Variants in NOS1 observed in about 807,000 individuals in gnomAD.
The protein encoded by NOS1 is NOS type I.
In NOS1, 51 loss-of-function variants were observed where a neutral mutation model predicts 164.5. The ratio of observed to expected loss-of-function variants is 0.31; its 90% CI spans 0.25 to 0.39. The LOEUF (loss-of-function observed/expected upper bound fraction) is 0.39. Among genes scored for constraint, NOS1 ranks in the 10% least tolerant of loss-of-function variants. The pLI is 1.00. For synonymous variants in NOS1, 719 were observed against 745.8 expected (o/e 0.96, Z 0.59); for missense variants, 1,362 against 1,885.6 (o/e 0.72, Z 5.14).
Position 117,331,027 on chromosome 12 carries a change from C to T in NOS1, c.43G>A (p.Val15Ile), listed in dbSNP as rs1168666404. 5 of 1,613,844 alleles carry T rather than the reference C, an allele frequency of 3.1e-6. No individual in the cohort carries two copies. In the African/African-American group the frequency reaches 6.7e-5, roughly 22 times the overall value. Reference protein sequence around the residue: ...MFGVQQIQPNVISVRLFKRKV... With the variant: ...MFGVQQIQPNIISVRLFKRKV... ...CGCTTGAAGAGACGAACAGAAATGA[C>T]ATTGGGCTGGATTTGCTGAACACCG... Residue 15 changes from valine to isoleucine, a missense_variant, in exon 2 of 29, where the codon GTC becomes ATC. Val to Ile is a conservative substitution (Grantham distance 29). This residue lies in a region of NOS1 where 362 missense variants were observed against 402.0 expected (regional missense o/e 0.90). Transcript: ENST00000317775.
Position 117,280,855 on chromosome 12 carries a change from G to A in NOS1, c.1394C>T (p.Thr465Ile). The change falls in exon 8 of 29, where the codon ACC becomes ATC. Residue 465 changes from threonine (T) to isoleucine (I), a missense_variant. Physicochemically the swap from Thr to Ile is moderately conservative, Grantham distance 89. This residue lies in a region of NOS1 where 134 missense variants were observed against 267.3 expected (regional missense o/e 0.50). Coordinates refer to ENST00000317775, the MANE Select transcript of NOS1 (RefSeq NM_000620.5). ...GCCGTCTGTCCTCTGGGGGAATATG[G>A]TGATGGCAGACCTGTGGTGGAGAGA... ...TNKGNLRSAITIFPQRTDGKH... is the reference protein window; with the variant it reads ...TNKGNLRSAIIIFPQRTDGKH... The A allele has an allele frequency of 6.2e-7, 1 of 1,614,092 alleles. No individual in the cohort carries two copies. Among genetic ancestry groups the A allele is most frequent in the Non-Finnish European group, 8.5e-7 (1 of 1,179,992 alleles).
intron 7 of NOS1, among the ~76,000 whole-genome samples, chr12:117,284,313 G>A (rs1409926073): frequency 6.6e-6 from 1 of 152,138 alleles, no homozygotes; most frequent in Non-Finnish European, 1.5e-5. Flanking sequence ...CTGTCTGTGG[G>A]GCCCCAGCTG....
chr12:117,248,515 A>G (rs2135962039), intron 17 of NOS1, among the ~76,000 whole-genome samples: 1 of 151,730 alleles, frequency 6.6e-6, no homozygotes, highest in Non-Finnish European at 1.5e-5. Flanking sequence ...GTCCCTACAA[A>G]GGACATGAAC....
chr12:117,352,255 T>C (rs1164313812), intron 1 of NOS1, among the ~76,000 whole-genome samples: 2 of 152,160 alleles, frequency 1.3e-5, no homozygotes, highest in African/African-American at 2.4e-5. Context: ...GTCATGGCAC[T>C]GAACACTCTG....
Position 117,269,535 on chromosome 12 carries a change from C to T in NOS1, c.1840-1391G>A, listed in dbSNP as rs143404979. On this transcript the variant is annotated intron_variant, in intron 10 of 28. Coordinates refer to ENST00000317775, the MANE Select transcript of NOS1 (RefSeq NM_000620.5). ...AGGCTGGAGTGCAGTGTCGTGATCTCGGCTCACTGCAACCTCCGCTTCCTG... is the reference window on the plus strand; with the variant it reads ...AGGCTGGAGTGCAGTGTCGTGATCTTGGCTCACTGCAACCTCCGCTTCCTG... Among the ~76,000 whole-genome samples, 263 of 139,152 alleles carry T rather than the reference C, an allele frequency of 1.9e-3. 1 individual carries two copies. Among genetic ancestry groups the T allele is most frequent in the African/African-American group, 6.7e-3 (248 of 36,986 alleles). The allele number at this position is 139,152 out of a possible 152,430, so 91.3% of individuals were successfully genotyped here. A position where few individuals can be genotyped will look rare whatever the true frequency, so the allele number is the denominator to read the frequency against.
chr12:117,211,580 C>T lies in NOS1; in HGVS notation c.*3729G>A, dbSNP rs2135909618. On this transcript the variant is annotated 3_prime_UTR_variant, in exon 29 of 29. Coordinates refer to ENST00000317775, the MANE Select transcript of NOS1 (RefSeq NM_000620.5). ...TCCCCACGGTCTGGTCCCAGCCCAC[C>T]TTTTCTCACCCTCCTCAGCCTTCCA... 2.0e-6 allele frequency: 2 copies of T among 985,602 alleles called. No individual in the cohort carries two copies. Among genetic ancestry groups the T allele is most frequent in the Non-Finnish European group, 2.4e-6 (2 of 830,042 alleles). The allele number at this position is 985,602 out of a possible 1,614,324, so 61.1% of individuals were successfully genotyped here.
At chr12:117,247,278 G>A in intron 18 of NOS1, 70 bp downstream of exon 18, 1 of 1,278,656 alleles carries the variant, frequency 7.8e-7, no homozygotes, top group Non-Finnish European at 1.1e-6. Flanking sequence ...TCTTCTTGAT[G>A]GTTTAGGTGC....
chr12:117,256,018 A>G, intron 16 of NOS1: 1 of 1,455,824 alleles, frequency 6.9e-7, no homozygotes, highest in Non-Finnish European at 9.1e-7. Context: ...CGGGGAAAGA[A>G]ACGCAAGGGT....
At chr12:117,355,314 C>T (rs144565083) in intron 1 of NOS1, among the ~76,000 whole-genome samples, 1 of 152,316 alleles carries the variant, frequency 6.6e-6, no homozygotes, top group Non-Finnish European at 1.5e-5. Context: ...CTGAATAGGG[C>T]CACCTTTCTC....
intron 1 of NOS1, among the ~76,000 whole-genome samples, chr12:117,340,541 T>G (rs2136083824): frequency 6.6e-6 from 1 of 152,246 alleles, no homozygotes; most frequent in Non-Finnish European, 1.5e-5. Context: ...ATTTATGTAT[T>G]TATTTTGAGA....
rs1376531590 is a variant in NOS1 at position 117,210,228 on chromosome 12, A to C, written c.*5081T>G. 2 of 913,104 alleles carry C rather than the reference A, an allele frequency of 2.2e-6. No individual in the cohort carries two copies. Among genetic ancestry groups the C allele is most frequent in the East Asian group, 1.2e-4 (1 of 8,250 alleles). 56.6% of individuals were successfully genotyped at this position (913,104 alleles called of 1,614,324 possible). A position where few individuals can be genotyped will look rare whatever the true frequency, so the allele number is the denominator to read the frequency against. ...ACTCCTGGCCCCAAGTGATCCTCCC[A>C]CCTCAGTCTCCCAAAGTGCTATTAC... is the stretch of plus-strand genomic sequence containing the variant. On this transcript the variant is annotated 3_prime_UTR_variant, in exon 29 of 29. Transcript: ENST00000317775.
chr12:117,334,481 C>T (rs1875708727), intron 1 of NOS1, among the ~76,000 whole-genome samples: 1 of 152,130 alleles, frequency 6.6e-6, no homozygotes, highest in Non-Finnish European at 1.5e-5. Context: ...ACTGCAACCT[C>T]CACCTCCTGG....
rs1956641386 is a variant in NOS1, at chr12:117,218,176, A to C, written c.4171-12T>G. 1.3e-6 allele frequency: 2 copies of C among 1,596,120 alleles called. No homozygotes were observed. Among genetic ancestry groups the C allele is most frequent in the Non-Finnish European group, 1.7e-6 (2 of 1,163,792 alleles). ...TATCGGTTGTCATCCTAGAAGACAG[A>C]AACAGCCAGAAAACAGCTCTCAAAT... On this transcript the variant is annotated splice_polypyrimidine_tract_variant and intron_variant, in intron 27 of 28. Transcript: ENST00000317775.
chr12:117,330,257 T>C lies in NOS1; in HGVS notation c.725+88A>G. ...ACAGCCCAGGTTGGCTTCTGGGCTA[T>C]GAGGCTGAGTCTCAGTAGACGCACA... On this transcript the variant is annotated intron_variant, in intron 2 of 28. Coordinates refer to ENST00000317775, the MANE Select transcript of NOS1 (RefSeq NM_000620.5). The surrounding 1 kb of genome is among the most constrained non-coding windows in gnomAD (Gnocchi z 4.6). 2.0e-6 allele frequency: 3 copies of C among 1,484,870 alleles called. No homozygotes were observed. Among genetic ancestry groups the C allele is most frequent in the East Asian group, 2.3e-5 (1 of 43,430 alleles). 92.0% of individuals were successfully genotyped at this position (1,484,870 alleles called of 1,614,324 possible).
intron 7 of NOS1, among the ~76,000 whole-genome samples, chr12:117,281,247 C>T (rs570689447): frequency 5.9e-5 from 9 of 152,288 alleles, no homozygotes; most frequent in East Asian, 1.9e-4. Flanking sequence ...AGACGCCGGG[C>T]GCGGTGGCTC....
chr12:117,278,101 G>A lies in NOS1; in HGVS notation c.1525-3C>T. On this transcript the variant is annotated splice_polypyrimidine_tract_variant and splice_region_variant and intron_variant, in intron 8 of 28. Transcript: ENST00000317775. Reference sequence around the variant, plus strand: ...TTCCAGCCCTGCTGTATGCATATCTGCAAGCAGACCCGGCCAGGTAATGCC... The same window carrying A: ...TTCCAGCCCTGCTGTATGCATATCTACAAGCAGACCCGGCCAGGTAATGCC... 1.9e-6 allele frequency: 3 copies of A among 1,610,598 alleles called. No individual in the cohort carries two copies. Among genetic ancestry groups the A allele is most frequent in the Non-Finnish European group, 2.5e-6 (3 of 1,178,112 alleles).
chr12:117,319,871 C>G (rs1396135344), intron 2 of NOS1, among the ~76,000 whole-genome samples: 1 of 151,688 alleles, frequency 6.6e-6, no homozygotes, highest in African/African-American at 2.4e-5. Context: ...GCCACTGGCC[C>G]TCACAAGGAA....
In NOS1 at chr12:117,208,716, G is replaced by A; in HGVS notation, c.*6593C>T. On this transcript the variant is annotated 3_prime_UTR_variant, in exon 29 of 29. Transcript: ENST00000317775. ...GAAACAGACTGCCATCCTCTGTTCT[G>A]GCATGGGAGGGCTTTTTTTTTTTTT... is the stretch of plus-strand genomic sequence containing the variant. 5.0e-6 allele frequency: 5 copies of A among 1,007,398 alleles called. No individual in the cohort carries two copies. The highest frequency in any genetic ancestry group is 5.9e-6 in the Non-Finnish European group (5 of 851,210). The allele number at this position is 1,007,398 out of a possible 1,614,324, so 62.4% of individuals were successfully genotyped here. A position where few individuals can be genotyped will look rare whatever the true frequency, so the allele number is the denominator to read the frequency against.
chr12:117,285,963 A>G, intron 6 of NOS1, 141 bp downstream of exon 6: 1 of 836,562 alleles, frequency 1.2e-6, no homozygotes, highest in South Asian at 1.8e-5. Context: ...GGAATGTGGG[A>G]CCCCGTGACC....
Sources: allele counts gnomAD v4.1 joint callset (sites outside exome capture counted in the v4.1 genomes callset), GRCh38; gene constraint gnomAD v4.1.1; regional missense constraint gnomAD v4.1.1; non-coding constraint Gnocchi (gnomAD v3.1); transcripts MANE v1.5; gene names NCBI Gene and HGNC (gene_info 2026-07-23, HGNC 2026-07-21).